The following PPFIBP1 variants were observed in gnomAD, a reference collection of about 807,000 sequenced individuals.
PPFIBP1 encodes PPFIB scaffold protein 1, also known as liprin-beta-1.
A neutral mutation model predicts 137.8 loss-of-function variants in PPFIBP1; 112 were observed. The observed-to-expected ratio is 0.81, with a 90% CI of 0.70 to 0.95. The LOEUF is 0.95. Among genes scored for constraint, PPFIBP1 ranks in the 40% least tolerant of loss-of-function variants. The probability of loss-of-function intolerance (pLI) is 0.00; values close to 1 mark genes in which losing one functional copy is unlikely to be tolerated. For missense variants in PPFIBP1, 1,083 were observed against 1,196.6 expected, an observed-to-expected ratio of 0.91 and a Z score of 1.40; for synonymous variants, 378 against 417.3, an observed-to-expected ratio of 0.91 and a Z score of 1.15.
chr12:27,637,987 T>C (rs1338070678), intron 4 of PPFIBP1, among the ~76,000 whole-genome samples: 9 of 152,104 alleles, frequency 5.9e-5, no homozygotes, highest in African/African-American at 2.2e-4. Context: ...CTTTTTTTAT[T>C]AATAAGGTAC....
chr12:27,561,403 CT>C (rs993049679), intron 1 of PPFIBP1, among the ~76,000 whole-genome samples: 3 of 152,170 alleles, frequency 2.0e-5, no homozygotes, highest in Non-Finnish European at 4.4e-5. Context: ...AAGAAAGCTG[CT>C]TTTTGTGTCG....
chr12:27,529,422 G>A (rs1171814474), intron 1 of PPFIBP1, among the ~76,000 whole-genome samples: 1 of 152,178 alleles, frequency 6.6e-6, no homozygotes, highest in Non-Finnish European at 1.5e-5. Context: ...GGCTGGACGC[G>A]ATGGCTCATG....
rs1358063684 is a variant in PPFIBP1, at chr12:27,691,928, G to A, written c.2865G>A (p.Gln955=). 4 of 1,600,680 alleles carry A rather than the reference G, an allele frequency of 2.5e-6. No homozygotes were observed. The East Asian group carries it at 6.7e-5, about 27-fold the overall frequency. The change falls in exon 28 of 30, where the codon CAG becomes CAA. Residue 955 remains glutamine (Q), a splice_region_variant and synonymous_variant. Coordinates refer to ENST00000228425, the MANE Select transcript of PPFIBP1 (RefSeq NM_003622.4). ...YEEDDLDRLE[Q]MEDSEGTVRQ... ...AAGATGATTTGGACCGGTTAGAGCA[G>A]GTAAATCCAACACTGTATAACTTTT...
chr12:27,596,771 A>T (rs1468444366), intron 2 of PPFIBP1, among the ~76,000 whole-genome samples: 1 of 152,198 alleles, frequency 6.6e-6, no homozygotes, highest in African/African-American at 2.4e-5. Flanking sequence ...CCTCACAGCA[A>T]CTCAATCAGT....
intron 10 of PPFIBP1, among the ~76,000 whole-genome samples, chr12:27,659,422 G>A (rs965651750): frequency 6.7e-6 from 1 of 149,234 alleles, no homozygotes; most frequent in African/African-American, 2.5e-5. Flanking sequence ...ACCAGCCTGG[G>A]CAACATAGTG....
intron 10 of PPFIBP1, 92 bp downstream of exon 10, chr12:27,658,940 C>T (rs1344356532): frequency 1.2e-5 from 16 of 1,305,610 alleles, no homozygotes; most frequent in Non-Finnish European, 1.6e-5. Context: ...ATTTCTCTCA[C>T]CAAAGATGTA....
At position 27,681,250 on chromosome 12, in the gene PPFIBP1, G is replaced by A. The variant is rs372000884; in HGVS notation, c.1896-296G>A. On this transcript the variant is annotated intron_variant, in intron 21 of 29. Transcript: ENST00000228425. ...GGAATCCAATCTTCAAACAACATTGGTTAAAACTGATACAGTGACTTGTGT... is the reference window on the plus strand; with the variant it reads ...GGAATCCAATCTTCAAACAACATTGATTAAAACTGATACAGTGACTTGTGT... 1.5e-4 allele frequency among the ~76,000 whole-genome samples: 23 copies of A among 152,286 alleles called. No individual in the cohort carries two copies. The East Asian group carries it at 2.9e-3, about 19-fold the overall frequency.
intron 1 of PPFIBP1, among the ~76,000 whole-genome samples, chr12:27,554,981 G>T (rs964323234): frequency 6.6e-6 from 1 of 151,860 alleles, no homozygotes; most frequent in African/African-American, 2.4e-5. Context: ...GCAGAAGAAG[G>T]AATAGGCTTG....
At chr12:27,625,679 G>C (rs1216125762) in intron 2 of PPFIBP1, among the ~76,000 whole-genome samples, 2 of 151,424 alleles carry the variant, frequency 1.3e-5, no homozygotes, top group South Asian at 4.2e-4. Context: ...AGCCTCCCAG[G>C]TTCAAGTGAT....
intron 12 of PPFIBP1, among the ~76,000 whole-genome samples, chr12:27,665,402 G>A (rs73296193): frequency 0.075 from 11,396 of 152,128 alleles, 519 homozygotes; most frequent in Admixed American, 0.11. Flanking sequence ...CAAGAAAGAC[G>A]TTTCCAACTA....
chr12:27,595,897 ATAT>A (rs1565838252), intron 2 of PPFIBP1, among the ~76,000 whole-genome samples: 11,136 of 81,332 alleles, frequency 0.14, 630 homozygotes, highest in Admixed American at 0.23. Flanking sequence ...ATATATATAT[ATAT>A]ATATATATAT....
At chr12:27,615,707 T>A (rs1222040164) in intron 2 of PPFIBP1, among the ~76,000 whole-genome samples, 1 of 152,220 alleles carries the variant, frequency 6.6e-6, no homozygotes, top group East Asian at 1.9e-4. Context: ...CAATATGCTC[T>A]GTAACATCTC....
Position 27,679,565 on chromosome 12 carries a change from C to G in PPFIBP1, c.1692C>G (p.Asn564Lys), listed in dbSNP as rs187660139. 9.1e-5 allele frequency: 147 copies of G among 1,613,602 alleles called. No homozygotes were observed. The East Asian group carries it at 3.1e-3, about 34-fold the overall frequency. Residue 564 changes from asparagine to lysine, a missense_variant, in exon 20 of 30, where the codon AAC (asparagine) becomes AAG (lysine). Asn to Lys is a moderately conservative substitution (Grantham distance 94, BLOSUM62 0). Transcript: ENST00000228425. ...ASSRPKDSQR[N>K]SPFQIPPPSP... ...CTCGGCCAAAAGATTCACAGAGGAA[C>G]AGTCCCTTCCAGATACCGCCTCCAT... is the stretch of plus-strand genomic sequence containing the variant.
At chr12:27,589,473 G>A (rs1246738194) in intron 2 of PPFIBP1, among the ~76,000 whole-genome samples, 1 of 152,162 alleles carries the variant, frequency 6.6e-6, no homozygotes, top group East Asian at 1.9e-4. Flanking sequence ...ATAATTAAGA[G>A]ATACTGAGAT....
intron 1 of PPFIBP1, among the ~76,000 whole-genome samples, chr12:27,541,894 T>C (rs1284829200): frequency 6.6e-6 from 1 of 152,162 alleles, no homozygotes; most frequent in Non-Finnish European, 1.5e-5. Context: ...TTGTGTTTTC[T>C]GGTCGTAGTT....
At chr12:27,629,937 G>A (rs1447541735) in intron 2 of PPFIBP1, among the ~76,000 whole-genome samples, 4 of 152,028 alleles carry the variant, frequency 2.6e-5, no homozygotes, top group Non-Finnish European at 4.4e-5. Context: ...GAAATTTATC[G>A]AAACTGATTC....
At chr12:27,644,972 A>G (rs7295096) in intron 4 of PPFIBP1, among the ~76,000 whole-genome samples, 114,161 of 151,492 alleles carry the variant, frequency 0.75, 43,443 homozygotes, top group African/African-American at 0.78. Flanking sequence ...AATTGATACT[A>G]GAAACTGCAT....
intron 4 of PPFIBP1, among the ~76,000 whole-genome samples, chr12:27,642,315 A>G (rs2139325532): frequency 6.6e-6 from 1 of 152,350 alleles, no homozygotes; most frequent in South Asian, 2.1e-4. Context: ...ACTTAGCTGG[A>G]TTGAATGCGG....
intron 1 of PPFIBP1, among the ~76,000 whole-genome samples, chr12:27,559,816 G>A (rs2049013284): frequency 6.6e-6 from 1 of 152,122 alleles, no homozygotes; most frequent in Non-Finnish European, 1.5e-5. Flanking sequence ...GCACCAATGT[G>A]GAATAAACCC....
Sources: gnomAD v4.1 joint callset for allele counts (sites outside exome capture counted in the v4.1 genomes callset) on GRCh38, gnomAD v4.1.1 for gene constraint, MANE v1.5 for transcripts, NCBI Gene and HGNC (gene_info 2026-07-23, HGNC 2026-07-21) for gene names.